The following CDH11 variants were observed in gnomAD, a reference collection of about 807,000 sequenced individuals.
CDH11 encodes cadherin 11.
In CDH11, 11 loss-of-function variants were observed where a neutral mutation model predicts 67.8. The observed-to-expected ratio is 0.16, with a 90% CI of 0.10 to 0.27. The LOEUF (loss-of-function observed/expected upper bound fraction) is 0.27, where lower values mean the gene tolerates loss of function less well. CDH11 is among the 10% of genes least tolerant of loss of function. CDH11 has a pLI of 1.00. For missense variants in CDH11, 847 were observed against 1,031.2 expected, an observed-to-expected ratio of 0.82 and a Z score of 2.45; for synonymous variants, 419 against 400.0, an observed-to-expected ratio of 1.05 and a Z score of -0.57.
upstream of CDH11, among the ~76,000 whole-genome samples, chr16:65,122,893 G>C (rs529644726): frequency 1.4e-3 from 218 of 152,308 alleles, 1 homozygote; most frequent in Middle Eastern, 0.014. Context: ...AGTGGCCCCC[G>C]CCGGTAGTGT....
chr16:64,998,580 G>T lies in CDH11; in HGVS notation c.505C>A (p.Pro169Thr). 2 of 1,614,118 alleles carry T rather than the reference G, an allele frequency of 1.2e-6. No homozygotes were observed. Among genetic ancestry groups the T allele is most frequent in the Non-Finnish European group, 1.7e-6 (2 of 1,180,030 alleles). Residue 169 changes from proline (P) to threonine (T), a missense_variant, in exon 4 of 13, where the codon CCT becomes ACT. Around this residue, in one of 2 missense-constraint regions of CDH11, gnomAD observed 235 missense variants for 352.5 expected, o/e 0.67. Coordinates refer to ENST00000268603, the MANE Select transcript of CDH11 (RefSeq NM_001797.4). The part of the protein sequence containing the change: ...FLHETYHANV[P>T]ERSNVGTSVI... ...TACGCACCCACATTGGACCTCTCAG[G>T]CACGTTGGCATGATAGGTCTCGTGC...
chr16:65,087,364 T>C (rs2074718557), intron 1 of CDH11, among the ~76,000 whole-genome samples: 1 of 152,054 alleles, frequency 6.6e-6, no homozygotes, highest in Admixed American at 6.6e-5. Context: ...CAGGGGACTA[T>C]GTAATTGAGT....
chr16:64,976,537 G>A (rs941308057), intron 8 of CDH11, among the ~76,000 whole-genome samples: 3 of 152,130 alleles, frequency 2.0e-5, no homozygotes, highest in Admixed American at 2.0e-4. Context: ...AAATTAGGAA[G>A]GGAAGATAAA....
chr16:65,084,047 A>G (rs2074655226), intron 1 of CDH11, among the ~76,000 whole-genome samples: 1 of 152,190 alleles, frequency 6.6e-6, no homozygotes, highest in Admixed American at 6.5e-5. Flanking sequence ...ACATCCTACA[A>G]TGTACACGAC....
chr16:64,985,236 G>A (rs1370671462), intron 7 of CDH11: 1 of 152,120 alleles, frequency 6.6e-6, no homozygotes, highest in African/African-American at 2.4e-5. Context: ...GACACAGTCA[G>A]AACTCAAGAG....
intron 1 of CDH11, among the ~76,000 whole-genome samples, chr16:65,115,002 T>C (rs1361827690): frequency 6.6e-6 from 1 of 152,144 alleles, no homozygotes; most frequent in East Asian, 1.9e-4. Flanking sequence ...AGGAACAGTC[T>C]TGAAATGGAG....
chr16:65,003,921 C>A (rs1177438131), intron 3 of CDH11, among the ~76,000 whole-genome samples: 1 of 152,172 alleles, frequency 6.6e-6, no homozygotes, highest in African/African-American at 2.4e-5. Flanking sequence ...TAAGTAGATA[C>A]ACTGAATACA....
chr16:65,096,852 T>C (rs1393090368), intron 1 of CDH11, among the ~76,000 whole-genome samples: 8 of 152,116 alleles, frequency 5.3e-5, no homozygotes. Flanking sequence ...CTCCTGACAA[T>C]AGCCAGAAAC....
chr16:64,982,083 A>C lies in CDH11; in HGVS notation c.1218T>G (p.His406Gln). The C allele has an allele frequency of 1.2e-6, 2 of 1,613,942 alleles. No individual in the cohort carries two copies. Residue 406 changes from histidine to glutamine, a missense_variant, in exon 8 of 13, where the codon CAT becomes CAG. Coordinates refer to ENST00000268603, the MANE Select transcript of CDH11 (RefSeq NM_001797.4). ...AAAGTVVGRVHAKDPDAANSP... is the reference protein window; with the variant it reads ...AAAGTVVGRVQAKDPDAANSP... ...TGTTGGCAGCATCAGGGTCTTTGGCATGCACTCTCCCAACCACGGTGCCAG... is the reference window on the plus strand; with the variant it reads ...TGTTGGCAGCATCAGGGTCTTTGGCCTGCACTCTCCCAACCACGGTGCCAG...
At chr16:65,090,114 A>C (rs570254151) in intron 1 of CDH11, among the ~76,000 whole-genome samples, 15 of 152,218 alleles carry the variant, frequency 9.9e-5, no homozygotes, top group Non-Finnish European at 1.8e-4. Flanking sequence ...TAAGTGGCAG[A>C]ACATATGCAC....
chr16:65,108,656 G>C (rs1216675159), intron 1 of CDH11, among the ~76,000 whole-genome samples: 1 of 149,828 alleles, frequency 6.7e-6, no homozygotes, highest in Non-Finnish European at 1.5e-5. Context: ...TTTAAATGTA[G>C]TTTTGCTGCT....
intron 2 of CDH11, among the ~76,000 whole-genome samples, chr16:65,006,293 T>C (rs1202490779): frequency 6.6e-6 from 1 of 152,192 alleles, no homozygotes; most frequent in Non-Finnish European, 1.5e-5. Flanking sequence ...TGGGTCTAAA[T>C]GAAACTGGAA....
Position 64,945,664 on chromosome 16 carries a change from G to T in CDH11, c.*1939C>A. 9.6e-7 allele frequency: 1 copy of T among 1,037,490 alleles called. No homozygotes were observed. Among genetic ancestry groups the T allele is most frequent in the Non-Finnish European group, 1.2e-6 (1 of 861,424 alleles). 64.3% of individuals were successfully genotyped at this position (1,037,490 alleles called of 1,614,324 possible). A position where few individuals can be genotyped will look rare whatever the true frequency, so the allele number is the denominator to read the frequency against. On this transcript the variant is annotated 3_prime_UTR_variant, in exon 13 of 13. Transcript: ENST00000268603. ...TCACTGAGATGAAAGATTCTAAAGT[G>T]ACATTGTCCACAAAATGTATTCCAT...
At position 64,947,579 on chromosome 16, in the gene CDH11, A is replaced by AAGGCC; in HGVS notation, c.*19_*23dup. ...CTTGAGAACGCCAGACACAGTTCTT[A>AAGGCC]AGGCCAAATTTGTATCGTTATTGTT... On this transcript the variant is annotated 3_prime_UTR_variant, in exon 13 of 13. Coordinates refer to ENST00000268603, the MANE Select transcript of CDH11 (RefSeq NM_001797.4). 3 of 1,590,476 alleles carry AAGGCC rather than the reference A, an allele frequency of 1.9e-6. No homozygotes were observed. The highest frequency in any genetic ancestry group is 2.6e-6 in the Non-Finnish European group (3 of 1,165,372).
intron 8 of CDH11, among the ~76,000 whole-genome samples, chr16:64,979,193 T>C (rs774542951): frequency 6.6e-6 from 1 of 152,240 alleles, no homozygotes; most frequent in Non-Finnish European, 1.5e-5. Context: ...CTCATGCGTG[T>C]AATTCCAGCA....
At chr16:64,987,073 A>C (rs775300236) in intron 7 of CDH11, 1 of 152,198 alleles carries the variant, frequency 6.6e-6, no homozygotes, top group Non-Finnish European at 1.5e-5. Context: ...CTATAAAACT[A>C]AGTTGAAAAT....
intron 1 of CDH11, among the ~76,000 whole-genome samples, chr16:65,108,485 T>A (rs1039597611): frequency 6.6e-6 from 1 of 152,196 alleles, no homozygotes; most frequent in Non-Finnish European, 1.5e-5. Context: ...AAATGAAAAT[T>A]GTATCTTATA....
rs147805230 is a variant in CDH11, at chr16:65,095,585, C to T, written c.-298+26295G>A. Among the ~76,000 whole-genome samples the T allele has an allele frequency of 2.3e-3, 356 of 152,202 alleles. 2 individuals carry two copies. The highest frequency in any genetic ancestry group is 7.9e-3 in the African/African-American group (328 of 41,540). ...AGTGTGAAAAATCCTCCTAGATTATCTGGAAGGGCCTGATTCAACCAGTTG... is the reference window on the plus strand; with the variant it reads ...AGTGTGAAAAATCCTCCTAGATTATTTGGAAGGGCCTGATTCAACCAGTTG... On this transcript the variant is annotated intron_variant, in intron 1 of 12. Transcript: ENST00000268603.
intron 2 of CDH11, among the ~76,000 whole-genome samples, chr16:65,029,368 G>A (rs1016384880): frequency 1.3e-5 from 2 of 152,026 alleles, no homozygotes; most frequent in African/African-American, 4.8e-5. Flanking sequence ...TCGTTTTGTC[G>A]AACATATTTT....
Sources: gnomAD v4.1 joint callset for allele counts (sites outside exome capture counted in the v4.1 genomes callset) on GRCh38, gnomAD v4.1.1 for gene constraint, gnomAD v4.1.1 regional missense constraint, MANE v1.5 for transcripts, NCBI Gene and HGNC (gene_info 2026-07-23, HGNC 2026-07-21) for gene names.